The following VAT1L variants were observed in gnomAD, a reference collection of about 807,000 sequenced individuals.
VAT1L encodes the protein vesicle amine transport 1 like.
In VAT1L, 34 loss-of-function variants were observed where a neutral mutation model predicts 44.1. The observed-to-expected ratio is 0.77, with a 90% CI of 0.59 to 1.03. The LOEUF (loss-of-function observed/expected upper bound fraction) is 1.03. VAT1L is among the 50% of genes least tolerant of loss of function. The probability of loss-of-function intolerance (pLI) is 0.00; values close to 1 mark genes in which losing one functional copy is unlikely to be tolerated. For missense variants in VAT1L, 615 were observed against 538.8 expected (o/e 1.14, Z -1.40); for synonymous variants, 253 against 202.2 (o/e 1.25, Z -2.13).
intron 7 of VAT1L, among the ~76,000 whole-genome samples, chr16:77,906,002 C>A (rs755867065): frequency 6.6e-6 from 1 of 152,282 alleles, no homozygotes; most frequent in East Asian, 1.9e-4. Flanking sequence ...CCCTCACCAT[C>A]GCTCATGAAT....
Position 77,945,018 on chromosome 16 carries a change from A to C in VAT1L, c.1078-26832A>C, listed in dbSNP as rs148189853. Among the ~76,000 whole-genome samples the C allele has an allele frequency of 2.4e-3, 370 of 152,328 alleles. 3 individuals are homozygous for C. The highest frequency in any genetic ancestry group is 0.01 in the Middle Eastern group (3 of 294). On this transcript the variant is annotated intron_variant, in intron 7 of 8. Coordinates refer to ENST00000302536, the MANE Select transcript of VAT1L (RefSeq NM_020927.3). Reference sequence around the variant, plus strand: ...GAATCCCAGATAATGAAGAATGATGAGGCTAATTATAGACTCACCATGGTA... The same window carrying C: ...GAATCCCAGATAATGAAGAATGATGCGGCTAATTATAGACTCACCATGGTA...
At chr16:77,828,765 G>A (rs2016549942) in intron 3 of VAT1L, among the ~76,000 whole-genome samples, 1 of 152,174 alleles carries the variant, frequency 6.6e-6, no homozygotes, top group South Asian at 2.1e-4. Flanking sequence ...GGAGGAGGAG[G>A]CTGTGAACCA....
intron 3 of VAT1L, among the ~76,000 whole-genome samples, chr16:77,825,669 G>C (rs1467780637): frequency 6.6e-6 from 1 of 151,982 alleles, no homozygotes; most frequent in African/African-American, 2.4e-5. Flanking sequence ...GTTTTGGAAG[G>C]TCACCAAAAT....
chr16:77,827,963 G>C (rs1222157038), intron 3 of VAT1L, among the ~76,000 whole-genome samples: 1 of 152,142 alleles, frequency 6.6e-6, no homozygotes, highest in Non-Finnish European at 1.5e-5. Context: ...AAAAGGATGT[G>C]GTCTGGTTTA....
intron 2 of VAT1L, among the ~76,000 whole-genome samples, chr16:77,820,173 TGG>T (rs540691568): frequency 3.9e-5 from 6 of 152,314 alleles, no homozygotes; most frequent in African/African-American, 1.2e-4. Context: ...ATTTCTTTCA[TGG>T]TTTCAAGAGG....
intron 1 of VAT1L, among the ~76,000 whole-genome samples, chr16:77,813,359 G>A (rs542547245): frequency 5.3e-5 from 8 of 152,270 alleles, no homozygotes; most frequent in South Asian, 4.1e-4. Flanking sequence ...TACGGTATTC[G>A]TTTGAGTTTG....
chr16:77,857,947 T>A (rs1298591538), intron 3 of VAT1L, among the ~76,000 whole-genome samples: 1 of 151,988 alleles, frequency 6.6e-6, no homozygotes, highest in Non-Finnish European at 1.5e-5. Flanking sequence ...ACTCCAACTC[T>A]ACAACACTAA....
intron 7 of VAT1L, among the ~76,000 whole-genome samples, chr16:77,934,460 C>CA (rs1342069108): frequency 6.6e-6 from 1 of 151,634 alleles, no homozygotes; most frequent in African/African-American, 2.4e-5. Flanking sequence ...AAAAAACAAA[C>CA]AAACAAAAAA....
chr16:77,976,967 G>C (rs533671326), intron 8 of VAT1L, among the ~76,000 whole-genome samples: 1 of 152,296 alleles, frequency 6.6e-6, no homozygotes, highest in Non-Finnish European at 1.5e-5. Flanking sequence ...TTAAGTGACA[G>C]CATCAAGACT....
intron 3 of VAT1L, among the ~76,000 whole-genome samples, chr16:77,833,423 A>G (rs1170403267): frequency 6.6e-6 from 1 of 152,220 alleles, no homozygotes; most frequent in Non-Finnish European, 1.5e-5. Context: ...ATAAGCAGAT[A>G]AACTGAACAA....
intron 3 of VAT1L, among the ~76,000 whole-genome samples, chr16:77,859,038 G>C (rs1483651445): frequency 6.6e-6 from 1 of 152,064 alleles, no homozygotes; most frequent in Non-Finnish European, 1.5e-5. Flanking sequence ...TGGAGGCTGA[G>C]GCAGGAGAAT....
intron 8 of VAT1L, among the ~76,000 whole-genome samples, chr16:77,973,789 G>A (rs1225359087): frequency 2.6e-5 from 4 of 151,472 alleles, no homozygotes; most frequent in African/African-American, 7.3e-5. Context: ...GCAGTGGTGC[G>A]ATCTTGGCTC....
chr16:77,967,321 G>C (rs1049458871), intron 7 of VAT1L, among the ~76,000 whole-genome samples: 1 of 152,138 alleles, frequency 6.6e-6, no homozygotes, highest in African/African-American at 2.4e-5. Flanking sequence ...CTTATCATCA[G>C]GTTTCTCCTC....
At chr16:77,880,007 C>T (rs2017132652) in intron 6 of VAT1L, among the ~76,000 whole-genome samples, 1 of 152,168 alleles carries the variant, frequency 6.6e-6, no homozygotes, top group Non-Finnish European at 1.5e-5. Context: ...CAGACAAGCT[C>T]ATGAACCACT....
chr16:77,962,779 A>AAGGAAGGAAGGAAG (rs1194896172), intron 7 of VAT1L, among the ~76,000 whole-genome samples: 244 of 44,218 alleles, frequency 5.5e-3, no homozygotes, highest in Non-Finnish European at 9.7e-3. Flanking sequence ...AAGGAAGGAA[A>AAGGAAGGAAGGAAG]GAAAGAGAAA....
chr16:77,815,883 G>A (rs1225971807), intron 1 of VAT1L, among the ~76,000 whole-genome samples: 3 of 151,200 alleles, frequency 2.0e-5, no homozygotes, highest in East Asian at 1.9e-4. Flanking sequence ...CAGGAGAATC[G>A]CTTGAACCCG....
intron 3 of VAT1L, among the ~76,000 whole-genome samples, chr16:77,847,647 T>A (rs1202862861): frequency 6.6e-6 from 1 of 152,188 alleles, no homozygotes; most frequent in Non-Finnish European, 1.5e-5. Context: ...CTGGACCATG[T>A]AAGAAATTCT....
In VAT1L at chr16:77,831,980, TA is replaced by T. The variant is rs1201147628; in HGVS notation, c.579+6521del. Reference sequence around the variant, plus strand: ...ACAGGCGCCCACCACCATGCCCGGCTAATTTTTTTTTTTTTTTTTTGTATTT... The same window carrying T: ...ACAGGCGCCCACCACCATGCCCGGCTATTTTTTTTTTTTTTTTTTGTATTT... On this transcript the variant is annotated intron_variant, in intron 3 of 8. Coordinates refer to ENST00000302536, the MANE Select transcript of VAT1L (RefSeq NM_020927.3). Among the ~76,000 whole-genome samples, 5 of 79,718 alleles carry T rather than the reference TA, an allele frequency of 6.3e-5. No individual in the cohort carries two copies. The East Asian group carries it at 1.1e-3, about 18-fold the overall frequency. The allele number at this position is 79,718 out of a possible 152,430, so 52.3% of individuals were successfully genotyped here.
At chr16:77,820,791 G>C (rs3906552) in intron 2 of VAT1L, among the ~76,000 whole-genome samples, 4,548 of 152,254 alleles carry the variant, frequency 0.03, 196 homozygotes, top group African/African-American at 0.1. Context: ...AATTATATAA[G>C]GTCACATAAA....
Sources: allele counts gnomAD v4.1 joint callset (sites outside exome capture counted in the v4.1 genomes callset), GRCh38; gene constraint gnomAD v4.1.1; transcripts MANE v1.5; gene names NCBI Gene and HGNC (gene_info 2026-07-23, HGNC 2026-07-21).